Variants in IDO2 observed in about 807,000 individuals in gnomAD.
IDO2 encodes the protein indoleamine 2,3-dioxygenase-like 1 protein.
Under a neutral mutation model 45.1 loss-of-function variants are expected in IDO2, and 46 were observed. The observed-to-expected ratio is 1.02, with a 90% confidence interval of 0.80 to 1.30. The LOEUF (loss-of-function observed/expected upper bound fraction) is 1.30, where lower values mean the gene tolerates loss of function less well. IDO2 is among the 50% of genes most tolerant of loss of function. The probability of loss-of-function intolerance (pLI) is 0.00; values close to 1 mark genes in which losing one functional copy is unlikely to be tolerated. For synonymous variants in IDO2, 218 were observed against 184.9 expected, an observed-to-expected ratio of 1.18 and a Z score of -1.45; for missense variants, 544 against 491.8, an observed-to-expected ratio of 1.11 and a Z score of -1.00.
At chr8:39,982,854 A>G (rs1213574346) in intron 5 of IDO2, 84 bp downstream of exon 5, 4 of 882,228 alleles carry the variant, frequency 4.5e-6, no homozygotes, top group Non-Finnish European at 6.9e-6. Context: ...AGGGAAGTTC[A>G]TATTTATGGT....
chr8:40,001,172 C>CTT (rs1370623775), intron 8 of IDO2, among the ~76,000 whole-genome samples: 2 of 147,196 alleles, frequency 1.4e-5, no homozygotes, highest in African/African-American at 5.0e-5. Context: ...TCTCTTCTTT[C>CTT]TCTCTCTCTC....
intron 7 of IDO2, 37 bp from the exon 8 acceptor site, chr8:39,989,684 A>G: frequency 7.3e-7 from 1 of 1,376,400 alleles, no homozygotes; most frequent in Non-Finnish European, 1.0e-6. Flanking sequence ...ACTTTAAGGG[A>G]GTGCTAATAA....
intron 2 of IDO2, among the ~76,000 whole-genome samples, chr8:39,950,016 GC>G (rs1807789724): frequency 1.3e-5 from 2 of 151,750 alleles, no homozygotes; most frequent in South Asian, 4.2e-4. Flanking sequence ...GTGGTCCAAG[GC>G]CTAGAACATT....
At chr8:39,935,330 T>C in intron 1 of IDO2, 112 bp downstream of exon 1, 1 of 899,094 alleles carries the variant, frequency 1.1e-6, no homozygotes, top group East Asian at 2.4e-5. Context: ...TATTGTAAAA[T>C]TCCTAATTAT....
rs1467278848 is a variant in IDO2 at position 39,998,445 on chromosome 8, G to A, written c.668-6882G>A. 3 of 151,890 alleles carry A rather than the reference G, an allele frequency of 2.0e-5. 1 individual carries two copies. The highest frequency in any genetic ancestry group is 1.3e-4 in the Admixed American group (2 of 15,218). The allele number at this position is 151,890 out of a possible 1,614,324, so 9.4% of individuals were successfully genotyped here. On this transcript the variant is annotated intron_variant, in intron 8 of 10. Transcript: ENST00000502986. ...TAATGACTCCTCCAGGGCAGTCTTC[G>A]GAAATTCCCAGTGCAGAAGCACGTG...
chr8:39,985,680 TCA>T, intron 6 of IDO2, 158 bp downstream of exon 6: 2 of 658,378 alleles, frequency 3.0e-6, no homozygotes, highest in Non-Finnish European at 2.6e-6. Flanking sequence ...TGCCTAAAAT[TCA>T]CAGTCTAAAA....
At chr8:40,005,432 T>C in intron 9 of IDO2, 54 bp downstream of exon 9, 2 of 1,172,276 alleles carry the variant, frequency 1.7e-6, no homozygotes, top group Non-Finnish European at 2.4e-6. Flanking sequence ...ATTGACTGAA[T>C]GTATAAGGGG....
At position 39,997,865 on chromosome 8, in the gene IDO2, A is replaced by G. The variant is rs148431341; in HGVS notation, c.668-7462A>G. Reference sequence around the variant, plus strand: ...CCCCATCCCATCATTTCTTCAGAGCATGGAAACAGAATTTGTTGAACACCA... The same window carrying G: ...CCCCATCCCATCATTTCTTCAGAGCGTGGAAACAGAATTTGTTGAACACCA... On this transcript the variant is annotated intron_variant, in intron 8 of 10. Coordinates refer to ENST00000502986, the Ensembl canonical transcript of IDO2. 32 of 179,646 alleles carry G rather than the reference A, an allele frequency of 1.8e-4. No homozygotes were observed. In the East Asian group the frequency reaches 4.4e-3, roughly 25 times the overall value. 11.1% of individuals were successfully genotyped at this position (179,646 alleles called of 1,614,324 possible).
At chr8:39,969,928 A>G (rs1295967563) in intron 3 of IDO2, among the ~76,000 whole-genome samples, 1 of 152,106 alleles carries the variant, frequency 6.6e-6, no homozygotes, top group Non-Finnish European at 1.5e-5. Flanking sequence ...TTGGTGAGAA[A>G]GTCATGTCAA....
intron 9 of IDO2, among the ~76,000 whole-genome samples, chr8:40,006,549 A>G (rs1486700078): frequency 6.6e-6 from 1 of 152,186 alleles, no homozygotes; most frequent in Admixed American, 6.5e-5. Context: ...ACAGGAACAA[A>G]CTAAAACACT....
intron 3 of IDO2, among the ~76,000 whole-genome samples, chr8:39,965,246 G>A (rs1361921983): frequency 6.6e-6 from 1 of 152,196 alleles, no homozygotes; most frequent in Non-Finnish European, 1.5e-5. Flanking sequence ...AGCACTTTGG[G>A]AGGCCAAGGC....
chr8:39,966,349 T>C (rs1808085655), intron 3 of IDO2, among the ~76,000 whole-genome samples: 1 of 152,148 alleles, frequency 6.6e-6, no homozygotes, highest in Non-Finnish European at 1.5e-5. Flanking sequence ...CTTAATTGCC[T>C]GGAAAATACC....
intron 8 of IDO2, among the ~76,000 whole-genome samples, chr8:39,996,304 G>A (rs956669727): frequency 6.6e-6 from 1 of 152,194 alleles, no homozygotes; most frequent in Admixed American, 6.5e-5. Flanking sequence ...CTTTTAGATA[G>A]CAGTAGCAGA....
intron 9 of IDO2, among the ~76,000 whole-genome samples, chr8:40,011,513 C>A (rs1332945204): frequency 6.6e-6 from 1 of 152,184 alleles, no homozygotes; most frequent in Admixed American, 6.5e-5. Context: ...AATCACAAAA[C>A]CTCTCTGGAG....
At chr8:39,960,666 T>C (rs1234122643) in intron 2 of IDO2, among the ~76,000 whole-genome samples, 1 of 152,262 alleles carries the variant, frequency 6.6e-6, no homozygotes, top group Non-Finnish European at 1.5e-5. Flanking sequence ...TATTTGTGAC[T>C]TCCTAATATT....
exon 1 of IDO2, chr8:39,934,658 C>G (rs1369817897): frequency 6.2e-6 from 1 of 161,854 alleles, no homozygotes; most frequent in Non-Finnish European, 1.4e-5. Flanking sequence ...GAAGAAGACT[C>G]ATTTTTGTCT....
intron 3 of IDO2, among the ~76,000 whole-genome samples, chr8:39,974,846 G>A (rs971176655): frequency 7.3e-5 from 11 of 151,696 alleles, no homozygotes; most frequent in Non-Finnish European, 1.3e-4. Context: ...GCTTGAACCC[G>A]GGAGGCAGAG....
chr8:39,998,628 T>TC (rs1295689046), intron 8 of IDO2: 1 of 102,902 alleles, frequency 9.7e-6, no homozygotes, highest in Admixed American at 1.1e-4. Flanking sequence ...TTAATGCTTT[T>TC]TTTCTTCTTC....
chr8:39,970,641 C>T lies in IDO2; in HGVS notation c.195+6938C>T, dbSNP rs528041950. ...TCCTGACCTCAGGTGATCCACCCGC[C>T]TTGGCCTCCCAAAGAGCTGGATTAC... On this transcript the variant is annotated intron_variant, in intron 3 of 10. Transcript: ENST00000502986. 5.9e-4 allele frequency among the ~76,000 whole-genome samples: 90 copies of T among 152,242 alleles called. 4 individuals are homozygous for T. The South Asian group carries it at 0.018, about 31-fold the overall frequency.
Sources: gnomAD v4.1 joint callset for allele counts (sites outside exome capture counted in the v4.1 genomes callset) on GRCh38, gnomAD v4.1.1 for gene constraint, MANE v1.5 for transcripts, NCBI Gene and HGNC (gene_info 2026-07-23, HGNC 2026-07-21) for gene names.